Variants in SNX18 observed in about 807,000 individuals in gnomAD.
The protein encoded by SNX18 is sorting nexin 18.
Under a neutral mutation model 48.7 loss-of-function variants are expected in SNX18, and 35 were observed. The ratio of observed to expected loss-of-function variants is 0.72; its 90% CI spans 0.55 to 0.95. SNX18 has a LOEUF of 0.95. SNX18 is among the 40% of genes least tolerant of loss of function. The probability of loss-of-function intolerance (pLI) is 0.00; values close to 1 mark genes in which losing one functional copy is unlikely to be tolerated. For missense variants in SNX18, 824 were observed against 871.0 expected, an observed-to-expected ratio of 0.95 and a Z score of 0.68; for synonymous variants, 492 against 384.7, an observed-to-expected ratio of 1.28 and a Z score of -3.26.
chr5:54,522,760 A>T (rs1490409055), intron 1 of SNX18, among the ~76,000 whole-genome samples: 1 of 152,190 alleles, frequency 6.6e-6, no homozygotes, highest in Non-Finnish European at 1.5e-5. Flanking sequence ...TGAGGGTGGA[A>T]AACTCAAATA....
the SNX18 span, among the ~76,000 whole-genome samples, chr5:54,619,551 G>A: frequency 6.6e-6 from 1 of 152,136 alleles, no homozygotes; most frequent in African/African-American, 2.4e-5. Context: ...CTCATTTGAC[G>A]TGTACTTTAT....
the SNX18 span, among the ~76,000 whole-genome samples, chr5:54,625,072 G>A: frequency 1.3e-5 from 2 of 152,130 alleles, no homozygotes; most frequent in Non-Finnish European, 2.9e-5. Flanking sequence ...AGCTTAAGTG[G>A]GATGTTATAA....
chr5:54,633,530 C>T, the SNX18 span, among the ~76,000 whole-genome samples: 1 of 152,158 alleles, frequency 6.6e-6, no homozygotes, highest in Non-Finnish European at 1.5e-5. Context: ...CAGTAACAAG[C>T]TGATATTAGT....
At chr5:54,519,668 A>G (rs1235928119) in intron 1 of SNX18, 95 bp downstream of exon 1, 22 of 1,614,066 alleles carry the variant, frequency 1.4e-5, no homozygotes, top group Non-Finnish European at 1.8e-5. Context: ...TTTCAGAATC[A>G]TATTCTACAG....
chr5:54,632,923 C>T, the SNX18 span, among the ~76,000 whole-genome samples: 11 of 152,042 alleles, frequency 7.2e-5, no homozygotes, highest in African/African-American at 2.2e-4. Context: ...TACAGGCAAC[C>T]GCCACCATGC....
the SNX18 span, among the ~76,000 whole-genome samples, chr5:54,593,419 G>A: frequency 1.3e-5 from 2 of 152,146 alleles, no homozygotes; most frequent in Middle Eastern, 6.3e-3. Context: ...GATATACCAT[G>A]TTCATAGATT....
chr5:54,560,652 AAAAG>A, the SNX18 span, among the ~76,000 whole-genome samples: 8 of 152,232 alleles, frequency 5.3e-5, no homozygotes, highest in African/African-American at 1.9e-4. Context: ...AGATAAAAAT[AAAAG>A]AAAAGAGTGG....
chr5:54,626,746 A>T, the SNX18 span, among the ~76,000 whole-genome samples: 4 of 152,230 alleles, frequency 2.6e-5, no homozygotes, highest in Non-Finnish European at 5.9e-5. Flanking sequence ...CTGACAACAA[A>T]TAATTCTCCA....
chr5:54,550,119 A>C (rs1286019993), downstream of SNX18, among the ~76,000 whole-genome samples: 1 of 152,218 alleles, frequency 6.6e-6, no homozygotes, highest in Non-Finnish European at 1.5e-5. Flanking sequence ...TTAAAAAATT[A>C]CTTGGCTCCT....
At chr5:54,630,257 G>T in the SNX18 span, among the ~76,000 whole-genome samples, 1 of 152,194 alleles carries the variant, frequency 6.6e-6, no homozygotes, top group African/African-American at 2.4e-5. Context: ...TCCAAAGTTG[G>T]AAGTCTTGGA....
chr5:54,529,172 T>C (rs1313774828), intron 1 of SNX18, among the ~76,000 whole-genome samples: 2 of 151,956 alleles, frequency 1.3e-5, no homozygotes, highest in Admixed American at 6.6e-5. Context: ...GATAACATCT[T>C]ATTGGGGGCA....
At chr5:54,538,063 T>G (rs1376911551) in intron 1 of SNX18, among the ~76,000 whole-genome samples, 3 of 152,210 alleles carry the variant, frequency 2.0e-5, no homozygotes, top group Non-Finnish European at 2.9e-5. Flanking sequence ...TTTTGCTCTC[T>G]GCCTTTCTTG....
the SNX18 span, among the ~76,000 whole-genome samples, chr5:54,628,345 T>G: frequency 7.9e-5 from 12 of 152,298 alleles, no homozygotes; most frequent in East Asian, 1.9e-3. Flanking sequence ...CCAAGCCCAC[T>G]GCACTATTCT....
At chr5:54,549,930 C>G (rs943532873), downstream of SNX18, among the ~76,000 whole-genome samples, 4 of 152,212 alleles carry the variant, frequency 2.6e-5, no homozygotes, top group African/African-American at 9.6e-5. Context: ...GTTTGTTCCA[C>G]TTTTGTTCAA....
In SNX18 at chr5:54,517,952, C is replaced by A; in HGVS notation, c.-1C>A. 3 of 1,510,896 alleles carry A rather than the reference C, an allele frequency of 2.0e-6. No individual in the cohort carries two copies. The highest frequency in any genetic ancestry group is 2.6e-6 in the Non-Finnish European group (3 of 1,132,830). 93.6% of individuals were successfully genotyped at this position (1,510,896 alleles called of 1,614,324 possible). ...GGACCGCCAGTCGGGGCGCCGGGAC[C>A]ATGGCGCTGCGCGCCCGGGCGCTGT... On this transcript the variant is annotated 5_prime_UTR_variant, in exon 1 of 2. Transcript: ENST00000381410.
the SNX18 span, among the ~76,000 whole-genome samples, chr5:54,608,536 G>A: frequency 2.7e-3 from 415 of 152,178 alleles, 1 homozygote; most frequent in African/African-American, 9.5e-3. Context: ...ACACCCAGCC[G>A]CCATGCTTTT....
At chr5:54,597,041 A>C in the SNX18 span, among the ~76,000 whole-genome samples, 2 of 152,220 alleles carry the variant, frequency 1.3e-5, no homozygotes, top group Non-Finnish European at 1.5e-5. Context: ...ATTGACTCAA[A>C]ATAAAAGGAT....
chr5:54,615,971 T>C, the SNX18 span, among the ~76,000 whole-genome samples: 30,941 of 152,112 alleles, frequency 0.2, 3,519 homozygotes, highest in East Asian at 0.32. Context: ...CCAGCACTCT[T>C]AGAATGATGC....
intron 1 of SNX18, among the ~76,000 whole-genome samples, chr5:54,534,911 G>T (rs757547321): frequency 2.0e-5 from 3 of 152,214 alleles, no homozygotes; most frequent in Non-Finnish European, 2.9e-5. Context: ...AAAAAAATTG[G>T]CATTGAAATC....
Sources: allele counts gnomAD v4.1 joint callset (sites outside exome capture counted in the v4.1 genomes callset), GRCh38; gene constraint gnomAD v4.1.1; transcripts MANE v1.5; gene names NCBI Gene and HGNC (gene_info 2026-07-23, HGNC 2026-07-21).